DYNC1I2: variants seen among roughly 807,000 people sequenced by gnomAD.
The protein encoded by DYNC1I2 is cytoplasmic dynein 1 intermediate chain 2.
DYNC1I2 carries 53 observed loss-of-function variants against 88.6 expected under a neutral mutation model. That is an observed-to-expected ratio of 0.60 (90% confidence interval 0.48 to 0.75). The LOEUF is 0.75. Among genes scored for constraint, DYNC1I2 ranks in the 30% least tolerant of loss-of-function variants. The pLI is 0.00. For synonymous variants in DYNC1I2, 198 were observed against 254.6 expected, an observed-to-expected ratio of 0.78 and a Z score of 2.12; for missense variants, 458 against 766.6, an observed-to-expected ratio of 0.60 and a Z score of 4.75.
chr2:171,716,108 A>G (rs1687474739), intron 7 of DYNC1I2, among the ~76,000 whole-genome samples: 1 of 152,128 alleles, frequency 6.6e-6, no homozygotes, highest in South Asian at 2.1e-4. Context: ...AATTTATATC[A>G]TACAAAAAAA....
intron 11 of DYNC1I2, 94 bp from the exon 12 acceptor site, chr2:171,727,727 A>T: frequency 8.3e-7 from 1 of 1,198,952 alleles, no homozygotes; most frequent in South Asian, 1.5e-5. Flanking sequence ...CCATACAATG[A>T]AGAAAGAAAT....
intron 7 of DYNC1I2, among the ~76,000 whole-genome samples, chr2:171,723,783 GCAC>G (rs1411890293): frequency 6.6e-6 from 1 of 152,086 alleles, no homozygotes; most frequent in Non-Finnish European, 1.5e-5. Flanking sequence ...TTTCCCCTTT[GCAC>G]CACCGCCTCC....
At chr2:171,695,289 C>T (rs1300988549) in intron 3 of DYNC1I2, among the ~76,000 whole-genome samples, 1 of 151,974 alleles carries the variant, frequency 6.6e-6, no homozygotes, top group African/African-American at 2.4e-5. Context: ...TTAGTAGAGA[C>T]GGGCTTTCAC....
chr2:171,694,022 C>T (rs1000203519), intron 3 of DYNC1I2, among the ~76,000 whole-genome samples: 1 of 149,838 alleles, frequency 6.7e-6, no homozygotes, highest in Admixed American at 6.7e-5. Context: ...ACTGAACTCA[C>T]TTGTTCATAT....
At chr2:171,707,198 ATTAC>A (rs766805759) in intron 4 of DYNC1I2, 85 bp from the exon 5 acceptor site, 6 of 1,581,324 alleles carry the variant, frequency 3.8e-6, no homozygotes, top group Admixed American at 1.8e-5. Context: ...TTTTTTGTTA[ATTAC>A]TTCATTAAAT....
intron 7 of DYNC1I2, among the ~76,000 whole-genome samples, chr2:171,716,829 C>A (rs769150409): frequency 2.6e-5 from 4 of 151,876 alleles, no homozygotes; most frequent in Non-Finnish European, 5.9e-5. Context: ...TTGCTTGAAC[C>A]CGGGAGGCAG....
intron 7 of DYNC1I2, among the ~76,000 whole-genome samples, chr2:171,723,324 G>A (rs1574586662): frequency 6.6e-6 from 1 of 152,106 alleles, no homozygotes; most frequent in South Asian, 2.1e-4. Flanking sequence ...TTTGATTTTA[G>A]GATTTACATA....
At chr2:171,731,110 C>A (rs1688574534) in intron 15 of DYNC1I2, among the ~76,000 whole-genome samples, 1 of 152,174 alleles carries the variant, frequency 6.6e-6, no homozygotes, top group African/African-American at 2.4e-5. Context: ...TTTAGTTTCT[C>A]TTTTACCTCT....
intron 15 of DYNC1I2, among the ~76,000 whole-genome samples, chr2:171,741,511 C>T (rs1689425924): frequency 6.6e-6 from 1 of 152,108 alleles, no homozygotes; most frequent in Admixed American, 6.5e-5. Context: ...ATTCCTCTCA[C>T]GACTAATGAT....
chr2:171,747,209 A>T (rs1262969739), intron 17 of DYNC1I2, among the ~76,000 whole-genome samples: 3 of 68,114 alleles, frequency 4.4e-5, no homozygotes, highest in Non-Finnish European at 6.5e-5. Context: ...AAAAAAAATT[A>T]TATATATATA....
intron 6 of DYNC1I2, among the ~76,000 whole-genome samples, chr2:171,713,270 C>G (rs1687255310): frequency 6.6e-6 from 1 of 151,866 alleles, no homozygotes; most frequent in African/African-American, 2.4e-5. Context: ...ATTCATGAAT[C>G]TAGAATAAAA....
chr2:171,696,832 A>C (rs191350553), intron 3 of DYNC1I2, among the ~76,000 whole-genome samples: 2 of 152,044 alleles, frequency 1.3e-5, no homozygotes, highest in South Asian at 2.1e-4. Context: ...CCTTTGTATT[A>C]TATTCTAATT....
At chr2:171,697,260 G>A (rs951775758) in intron 3 of DYNC1I2, among the ~76,000 whole-genome samples, 5 of 151,912 alleles carry the variant, frequency 3.3e-5, no homozygotes, top group Non-Finnish European at 5.9e-5. Flanking sequence ...GGCTCAAAGC[G>A]ATCCTCCTGC....
chr2:171,701,542 AG>A (rs1357718642), intron 3 of DYNC1I2, among the ~76,000 whole-genome samples: 2 of 152,140 alleles, frequency 1.3e-5, no homozygotes, highest in African/African-American at 4.8e-5. Flanking sequence ...GAAAGGGAGA[AG>A]GAAGAAAGAT....
chr2:171,690,916 G>A (rs1307041517), intron 2 of DYNC1I2, among the ~76,000 whole-genome samples: 4 of 152,076 alleles, frequency 2.6e-5, no homozygotes, highest in Admixed American at 2.0e-4. Flanking sequence ...TAGGCTTCCC[G>A]AAGTGTTGGG....
intron 3 of DYNC1I2, among the ~76,000 whole-genome samples, chr2:171,699,114 C>G (rs1686011422): frequency 6.6e-6 from 1 of 152,132 alleles, no homozygotes; most frequent in South Asian, 2.1e-4. Context: ...CGAGACCAGC[C>G]TGGCCAAAAT....
At chr2:171,697,157 T>C (rs1685832246) in intron 3 of DYNC1I2, among the ~76,000 whole-genome samples, 1 of 152,002 alleles carries the variant, frequency 6.6e-6, no homozygotes, top group Non-Finnish European at 1.5e-5. Context: ...CACACCACCA[T>C]GCCCAACTAA....
intron 5 of DYNC1I2, among the ~76,000 whole-genome samples, chr2:171,710,118 TATATACAC>T (rs1440158332): frequency 4.1e-5 from 3 of 72,682 alleles, no homozygotes; most frequent in Non-Finnish European, 8.4e-5. Flanking sequence ...TTTTTATGTA[TATATACAC>T]ACACACACAC....
intron 2 of DYNC1I2, 25 bp from the exon 3 acceptor site, chr2:171,692,750 CAT>C: frequency 6.6e-7 from 1 of 1,516,948 alleles, no homozygotes; most frequent in Non-Finnish European, 8.9e-7. Context: ...TATATGTAAA[CAT>C]AAGTTTTTAA....
Sources: allele counts gnomAD v4.1 joint callset (sites outside exome capture counted in the v4.1 genomes callset), GRCh38; gene constraint gnomAD v4.1.1; transcripts MANE v1.5; gene names NCBI Gene and HGNC (gene_info 2026-07-23, HGNC 2026-07-21).